Variants in COL4A2 observed in about 807,000 individuals in gnomAD.
The protein encoded by COL4A2 is collagen alpha-2(IV) chain.
COL4A2 carries 99 observed loss-of-function variants against 200.2 expected under a neutral mutation model. That is an observed-to-expected ratio of 0.49 (90% CI 0.42 to 0.58). The LOEUF is 0.58. Among genes scored for constraint, COL4A2 ranks in the 20% least tolerant of loss-of-function variants. COL4A2 has a pLI of 0.00. For missense variants in COL4A2, 1,950 were observed against 2,314.1 expected, an observed-to-expected ratio of 0.84 and a Z score of 3.23; for synonymous variants, 897 against 900.6, an observed-to-expected ratio of 1.00 and a Z score of 0.07.
At chr13:110,378,525 T>G (rs1342949747) in intron 4 of COL4A2, among the ~76,000 whole-genome samples, 1 of 152,162 alleles carries the variant, frequency 6.6e-6, no homozygotes, top group Non-Finnish European at 1.5e-5. Flanking sequence ...GGAGAAAGAT[T>G]CTGGAATTAC....
intron 16 of COL4A2, among the ~76,000 whole-genome samples, chr13:110,441,267 C>T (rs1372384286): frequency 1.3e-5 from 2 of 152,168 alleles, no homozygotes; most frequent in East Asian, 3.9e-4. Flanking sequence ...GCTCGGCAGG[C>T]CTGGTGGGGG....
chr13:110,498,410 T>G (rs1477855425), intron 40 of COL4A2, among the ~76,000 whole-genome samples: 1 of 152,126 alleles, frequency 6.6e-6, no homozygotes, highest in South Asian at 2.1e-4. Context: ...GGAGAGGAGA[T>G]CCCGCACAGG....
intron 16 of COL4A2, among the ~76,000 whole-genome samples, chr13:110,440,983 A>G (rs1055539574): frequency 5.3e-5 from 8 of 152,258 alleles, no homozygotes; most frequent in Non-Finnish European, 1.0e-4. Flanking sequence ...AAAGCTGCAG[A>G]GAATGGCAGT....
In COL4A2 at chr13:110,409,187, G is replaced by A. The variant is rs113302976; in HGVS notation, c.181-15547G>A. On this transcript the variant is annotated intron_variant, in intron 4 of 47. Transcript: ENST00000360467. ...CATATACACATGTACACACATACAC[G>A]CACATATACACATGCACACATATAC... Among the ~76,000 whole-genome samples the A allele has an allele frequency of 2.3e-3, 344 of 151,646 alleles. 3 individuals carry two copies. Among genetic ancestry groups the A allele is most frequent in the African/African-American group, 7.2e-3 (297 of 41,264 alleles).
intron 28 of COL4A2, among the ~76,000 whole-genome samples, chr13:110,470,116 A>G (rs1486860076): frequency 6.6e-6 from 1 of 151,852 alleles, no homozygotes. Context: ...GGATTTCACC[A>G]TGTTGGCCAG....
At chr13:110,419,850 A>C (rs1042358776) in intron 4 of COL4A2, among the ~76,000 whole-genome samples, 5 of 152,194 alleles carry the variant, frequency 3.3e-5, no homozygotes, top group Non-Finnish European at 4.4e-5. Context: ...ATTAGAGATA[A>C]TATTTAACCC....
chr13:110,354,670 T>C (rs941323439), intron 3 of COL4A2, among the ~76,000 whole-genome samples: 1 of 151,564 alleles, frequency 6.6e-6, no homozygotes, highest in Non-Finnish European at 1.5e-5. Context: ...GATACTATAT[T>C]AGGTAAAGAA....
rs1883887259 is a variant in COL4A2 at position 110,506,516 on chromosome 13, C to T, written c.4504C>T (p.Pro1502Ser). The part of the protein sequence containing the change: ...LVKHSQTDQE[P>S]MCPVGMNKLW... Reference sequence around the variant, plus strand: ...GAAGCACAGCCAGACGGACCAGGAGCCCATGTGCCCAGTGGGCATGAACAA... The same window carrying T: ...GAAGCACAGCCAGACGGACCAGGAGTCCATGTGCCCAGTGGGCATGAACAA... The change falls in exon 46 of 48, where the codon CCC becomes TCC. Residue 1502 changes from proline to serine, a missense_variant. Transcript: ENST00000360467. 3.1e-6 allele frequency: 5 copies of T among 1,613,078 alleles called. No individual in the cohort carries two copies. Among genetic ancestry groups the T allele is most frequent in the East Asian group, 2.2e-5 (1 of 44,858 alleles).
intron 3 of COL4A2, among the ~76,000 whole-genome samples, chr13:110,312,482 A>G (rs930209030): frequency 2.9e-4 from 44 of 152,238 alleles, no homozygotes; most frequent in Non-Finnish European, 5.1e-4. Flanking sequence ...GTGTAGTTTA[A>G]ATAATAGAGA....
chr13:110,366,567 G>A (rs1192627127), intron 4 of COL4A2, among the ~76,000 whole-genome samples: 1 of 152,194 alleles, frequency 6.6e-6, no homozygotes, highest in Non-Finnish European at 1.5e-5. Context: ...TGGCACAAAT[G>A]ATCAAACCAA....
intron 4 of COL4A2, among the ~76,000 whole-genome samples, chr13:110,384,693 C>T (rs1342806940): frequency 6.6e-6 from 1 of 152,228 alleles, no homozygotes; most frequent in African/African-American, 2.4e-5. Context: ...TCCCAAACAC[C>T]TGCCTTCCCA....
At chr13:110,366,842 T>A (rs1002989604) in intron 4 of COL4A2, among the ~76,000 whole-genome samples, 3 of 152,230 alleles carry the variant, frequency 2.0e-5, no homozygotes, top group Admixed American at 6.5e-5. Context: ...CAAAATGTCC[T>A]TAGGAAGCTG....
At chr13:110,485,079 C>T (rs553766519) in intron 33 of COL4A2, 52 bp downstream of exon 33, 53 of 1,472,460 alleles carry the variant, frequency 3.6e-5, no homozygotes, top group South Asian at 2.3e-4. Context: ...CGCCCCAGCC[C>T]GCACCAGCTC....
chr13:110,435,853 G>A (rs1464897352), intron 12 of COL4A2, among the ~76,000 whole-genome samples: 2 of 151,500 alleles, frequency 1.3e-5, no homozygotes, highest in Non-Finnish European at 2.9e-5. Context: ...TCTTTAGCTG[G>A]GGAAGTAGTC....
At chr13:110,366,949 G>T (rs1384040913) in intron 4 of COL4A2, among the ~76,000 whole-genome samples, 2 of 152,170 alleles carry the variant, frequency 1.3e-5, no homozygotes, top group Non-Finnish European at 2.9e-5. Flanking sequence ...CGCTCAAGGT[G>T]TCAGAGGTCT....
At chr13:110,367,408 T>C (rs1336711593) in intron 4 of COL4A2, among the ~76,000 whole-genome samples, 1 of 152,272 alleles carries the variant, frequency 6.6e-6, no homozygotes, top group African/African-American at 2.4e-5. Context: ...AAGTCTGTTT[T>C]GAATAAAGAA....
intron 32 of COL4A2, 79 bp from the exon 33 acceptor site, chr13:110,484,814 CAGCCCTATGGCT>C: frequency 1.4e-6 from 2 of 1,461,176 alleles, no homozygotes; most frequent in East Asian, 4.6e-5. Context: ...GGGAGACGTG[CAGCCCTATGGCT>C]CAGGGACCAG....
intron 3 of COL4A2, among the ~76,000 whole-genome samples, chr13:110,350,094 C>G (rs1372185038): frequency 6.6e-6 from 1 of 152,140 alleles, no homozygotes; most frequent in African/African-American, 2.4e-5. Context: ...TGTAATGATG[C>G]CAAGATTTAA....
At chr13:110,411,570 T>G (rs1482752996) in intron 4 of COL4A2, among the ~76,000 whole-genome samples, 1 of 152,182 alleles carries the variant, frequency 6.6e-6, no homozygotes, top group African/African-American at 2.4e-5. Context: ...ATGGCTACAT[T>G]TGAGCAGGGT....
Sources: gnomAD v4.1 joint callset for allele counts (sites outside exome capture counted in the v4.1 genomes callset) on GRCh38, gnomAD v4.1.1 for gene constraint, MANE v1.5 for transcripts, NCBI Gene and HGNC (gene_info 2026-07-23, HGNC 2026-07-21) for gene names.